DYNC1H1: variants seen among roughly 807,000 people sequenced by gnomAD.
DYNC1H1 encodes the protein dynein cytoplasmic 1 heavy chain 1, also known as cytoplasmic dynein 1 heavy chain 1.
Under a neutral mutation model 527.1 loss-of-function variants are expected in DYNC1H1, and 51 were observed. The ratio of observed to expected loss-of-function variants is 0.10; its 90% CI spans 0.08 to 0.12. The LOEUF is 0.12. DYNC1H1 is among the 10% of genes least tolerant of loss of function. DYNC1H1 has a pLI of 1.00. For synonymous variants in DYNC1H1, 2,189 were observed against 2,278.8 expected, an observed-to-expected ratio of 0.96 and a Z score of 1.12; for missense variants, 2,771 against 5,971.8, an observed-to-expected ratio of 0.46 and a Z score of 17.66.
Position 102,018,661 on chromosome 14 carries a change from T to C in DYNC1H1, c.8343+45T>C. ...TCTTCCAGAAATTGTTTTCCTCTCATAATTAAGGCACTCGATTGGTCAGGT... is the reference window on the plus strand; with the variant it reads ...TCTTCCAGAAATTGTTTTCCTCTCACAATTAAGGCACTCGATTGGTCAGGT... On this transcript the variant is annotated intron_variant, in intron 41 of 77. Coordinates refer to ENST00000360184, the MANE Select transcript of DYNC1H1 (RefSeq NM_001376.5). This position sits in a 1 kb window ranked among gnomAD's most constrained non-coding sequence, Gnocchi z 5.2. The C allele has an allele frequency of 3.1e-6, 5 of 1,606,644 alleles. No individual in the cohort carries two copies. Among genetic ancestry groups the C allele is most frequent in the Non-Finnish European group, 4.2e-6 (5 of 1,178,040 alleles).
chr14:102,045,568 G>A (rs552664960), intron 72 of DYNC1H1, among the ~76,000 whole-genome samples: 62 of 151,946 alleles, frequency 4.1e-4, no homozygotes, highest in African/African-American at 1.4e-3. Context: ...CTGAGAACGC[G>A]CCATTGCACT....
chr14:101,972,731 C>G (rs2047753730), intron 1 of DYNC1H1, among the ~76,000 whole-genome samples: 2 of 152,212 alleles, frequency 1.3e-5, no homozygotes, highest in South Asian at 2.1e-4. Context: ...AGAAATGATT[C>G]AGAGTTAACA....
chr14:102,039,608 GAAC>G lies in DYNC1H1; in HGVS notation c.11596-25_11596-23del, dbSNP rs2048620454. The G allele has an allele frequency of 1.2e-6, 2 of 1,614,160 alleles. No homozygotes were observed. Among genetic ancestry groups the G allele is most frequent in the South Asian group, 1.1e-5 (1 of 91,078 alleles). On this transcript the variant is annotated intron_variant, in intron 61 of 77. Coordinates refer to ENST00000360184, the MANE Select transcript of DYNC1H1 (RefSeq NM_001376.5). This position sits in a 1 kb window ranked among gnomAD's most constrained non-coding sequence, Gnocchi z 7.0. ...GAAGCAGGGTGCTGCTTCTCTTATG[GAAC>G]AACATCGTCTCCTGCTCTTGTCCCA... is the stretch of plus-strand genomic sequence containing the variant.
Position 102,038,299 on chromosome 14 carries a change from T to C in DYNC1H1, c.10909-161T>C. ...TGGCTGAGTTTTTAATTTTAGTTCA[T>C]TTAAATGTAAGTAGCCACACATAGC... On this transcript the variant is annotated intron_variant, in intron 57 of 77. Coordinates refer to ENST00000360184, the MANE Select transcript of DYNC1H1 (RefSeq NM_001376.5). The surrounding 1 kb of genome is among the most constrained non-coding windows in gnomAD (Gnocchi z 7.2). 3 of 1,235,976 alleles carry C rather than the reference T, an allele frequency of 2.4e-6. No homozygotes were observed. The highest frequency in any genetic ancestry group is 2.3e-6 in the Non-Finnish European group (2 of 876,066). 76.6% of individuals were successfully genotyped at this position (1,235,976 alleles called of 1,614,324 possible). A position where few individuals can be genotyped will look rare whatever the true frequency, so the allele number is the denominator to read the frequency against.
chr14:101,995,531 A>C (rs1340855203), intron 15 of DYNC1H1, among the ~76,000 whole-genome samples: 2 of 151,778 alleles, frequency 1.3e-5, no homozygotes, highest in African/African-American at 4.8e-5. Flanking sequence ...GAATGGCATG[A>C]ACCCGGGAGG....
rs2141285263 is a variant in DYNC1H1, at chr14:102,000,372, A to G, written c.4047A>G (p.Gln1349=). The G allele has an allele frequency of 1.2e-6, 2 of 1,614,072 alleles. No individual in the cohort carries two copies. The highest frequency in any genetic ancestry group is 8.5e-7 in the Non-Finnish European group (1 of 1,180,014). ...VWEQIDQMKE[Q]PWVSVQPRKL... is the part of the protein sequence containing the mutation. ...AGCAAATCGATCAGATGAAGGAGCA[A>G]CCCTGGGTTTCAGTACAGCCTCGAA... is the stretch of plus-strand genomic sequence containing the variant. Residue 1349 remains glutamine (Q), a synonymous_variant, in exon 18 of 78, where the codon CAA becomes CAG. Transcript: ENST00000360184.
In DYNC1H1 at chr14:102,036,607, A is replaced by T; in HGVS notation, c.10873A>T (p.Ser3625Cys). ...LDDAFRKNLE[S>C]ALRFGNPLLV... ...TGACGCCTTCAGAAAGAACTTAGAGAGTGCACTGAGATTCGGTAACCCCCT... is the reference window on the plus strand; with the variant it reads ...TGACGCCTTCAGAAAGAACTTAGAGTGTGCACTGAGATTCGGTAACCCCCT... The change falls in exon 57 of 78, where the codon AGT becomes TGT. Residue 3625 changes from serine (S) to cysteine (C), a missense_variant. Coordinates refer to ENST00000360184, the MANE Select transcript of DYNC1H1 (RefSeq NM_001376.5). The surrounding 1 kb of genome is among the most constrained non-coding windows in gnomAD (Gnocchi z 5.6). 6.2e-7 allele frequency: 1 copy of T among 1,614,060 alleles called. No homozygotes were observed. The highest frequency in any genetic ancestry group is 8.5e-7 in the Non-Finnish European group (1 of 1,179,984).
chr14:102,032,258 C>T lies in DYNC1H1; in HGVS notation c.9884-14C>T, dbSNP rs2152591246. On this transcript the variant is annotated splice_polypyrimidine_tract_variant and intron_variant, in intron 51 of 77. Coordinates refer to ENST00000360184, the MANE Select transcript of DYNC1H1 (RefSeq NM_001376.5). Reference sequence around the variant, plus strand: ...CCCACCCATCGACCCTCATCCACTCCTGCTGCCACTCAGCTGTGAAGTCGA... The same window carrying T: ...CCCACCCATCGACCCTCATCCACTCTTGCTGCCACTCAGCTGTGAAGTCGA... The T allele has an allele frequency of 6.2e-7, 1 of 1,613,358 alleles. No homozygotes were observed. The highest frequency in any genetic ancestry group is 1.1e-5 in the South Asian group (1 of 91,046).
At position 101,980,222 on chromosome 14, in the gene DYNC1H1, A is replaced by G. The variant is rs1049506106; in HGVS notation, c.775-142A>G. 8 of 1,211,686 alleles carry G rather than the reference A, an allele frequency of 6.6e-6. No individual in the cohort carries two copies. The Admixed American group carries it at 1.6e-4, about 24-fold the overall frequency. The allele number at this position is 1,211,686 out of a possible 1,614,324, so 75.1% of individuals were successfully genotyped here. A position where few individuals can be genotyped will look rare whatever the true frequency, so the allele number is the denominator to read the frequency against. On this transcript the variant is annotated intron_variant, in intron 4 of 77. Coordinates refer to ENST00000360184, the MANE Select transcript of DYNC1H1 (RefSeq NM_001376.5). Reference sequence around the variant, plus strand: ...TCAGCAGTCGTATACCTTTGATTTCAAATCAAGCCACTTTTGATTTACAGG... The same window carrying G: ...TCAGCAGTCGTATACCTTTGATTTCGAATCAAGCCACTTTTGATTTACAGG...
chr14:102,054,798 AC>A lies in DYNC1H1; in HGVS notation c.*4237del, dbSNP rs2048859175. On this transcript the variant is annotated 3_prime_UTR_variant, in exon 78 of 78. Transcript: ENST00000360184. ...TGCCCAGGCTGGTCTCGAACTCCTG[AC>A]CTCAGGTGATCTGCCCACCTTGGCC... 6.6e-6 allele frequency: 1 copy of A among 151,738 alleles called. No individual in the cohort carries two copies. The highest frequency in any genetic ancestry group is 6.6e-5 in the Admixed American group (1 of 15,198). The allele number at this position is 151,738 out of a possible 1,614,324, so 9.4% of individuals were successfully genotyped here.
In DYNC1H1 at chr14:102,043,927, T is replaced by A. The variant is rs1203917028; in HGVS notation, c.12566T>A (p.Ile4189Asn). ...TTCCTGCTGGCCTGGTTTCATGCGA[T>A]CATCCAAGAACGCTTACGATACGCA... Reference protein sequence around the residue: ...LYFLLAWFHAIIQERLRYAPL... With the variant: ...LYFLLAWFHANIQERLRYAPL... The change falls in exon 70 of 78, where the codon ATC becomes AAC. Residue 4189 changes from isoleucine to asparagine, a missense_variant. By Grantham distance (149) the Ile-to-Asn change is moderately radical. Coordinates refer to ENST00000360184, the MANE Select transcript of DYNC1H1 (RefSeq NM_001376.5). The A allele has an allele frequency of 6.2e-7, 1 of 1,614,130 alleles. No individual in the cohort carries two copies. Among genetic ancestry groups the A allele is most frequent in the African/African-American group, 1.3e-5 (1 of 74,946 alleles).
rs112780477 is a variant in DYNC1H1 at position 102,048,307 on chromosome 14, C to T, written c.13219-209C>T. ...CCTCCCTAGAGAGCCCCGAGAGCTG[C>T]GACTCGGGCAGGGGCCTCAGCGGGT... On this transcript the variant is annotated intron_variant, in intron 73 of 77. Transcript: ENST00000360184. 42,466 of 751,174 alleles carry T rather than the reference C, an allele frequency of 0.057. 1,570 individuals carry two copies. Among genetic ancestry groups the T allele is most frequent in the African/African-American group, 0.13 (7,621 of 57,046 alleles). The allele number at this position is 751,174 out of a possible 1,614,324, so 46.5% of individuals were successfully genotyped here.
At position 101,985,744 on chromosome 14, in the gene DYNC1H1, G is replaced by A; in HGVS notation, c.1519G>A (p.Val507Met). Reference sequence around the variant, plus strand: ...GGTCCCTGAACCCCAAGATATGAAAGTGGCTGAGGTTCTCTTTGATGCTGC... The same window carrying A: ...GGTCCCTGAACCCCAAGATATGAAAATGGCTGAGGTTCTCTTTGATGCTGC... ...GEVPEPQDMKVAEVLFDAADA... is the reference protein window; with the variant it reads ...GEVPEPQDMKMAEVLFDAADA... Residue 507 changes from valine (V) to methionine (M), a missense_variant, in exon 8 of 78, where the codon GTG (valine) becomes ATG (methionine). Val to Met is a conservative substitution (Grantham distance 21, BLOSUM62 1). Around this residue, in one of 32 missense-constraint regions of DYNC1H1, gnomAD observed 264 missense variants for 619.4 expected, o/e 0.43. Transcript: ENST00000360184. This position sits in a 1 kb window ranked among gnomAD's most constrained non-coding sequence, Gnocchi z 5.9. 6.2e-7 allele frequency: 1 copy of A among 1,614,228 alleles called. No individual in the cohort carries two copies. Among genetic ancestry groups the A allele is most frequent in the Middle Eastern group, 1.6e-4 (1 of 6,062 alleles).
At position 102,018,357 on chromosome 14, in the gene DYNC1H1, A is replaced by T; in HGVS notation, c.8178-94A>T. On this transcript the variant is annotated intron_variant, in intron 40 of 77. Transcript: ENST00000360184. This position sits in a 1 kb window ranked among gnomAD's most constrained non-coding sequence, Gnocchi z 5.2. The stretch of plus-strand genomic sequence containing the variant: ...AGCTGGGTTAGGAAGCGACCTCCAG[A>T]CAGGGCCCTGGACAGGGCGACTCCA... 3.3e-6 allele frequency: 5 copies of T among 1,538,364 alleles called. No homozygotes were observed. Among genetic ancestry groups the T allele is most frequent in the Non-Finnish European group, 4.4e-6 (5 of 1,142,338 alleles).
At chr14:102,047,643 A>ATG in intron 72 of DYNC1H1, 174 bp from the exon 73 acceptor site, 1 of 140,328 alleles carries the variant, frequency 7.1e-6, no homozygotes, top group Non-Finnish European at 1.5e-5. Context: ...GTGTGTGTGT[A>ATG]TATATATATA....
intron 1 of DYNC1H1, 92 bp from the exon 2 acceptor site, chr14:101,975,620 G>C: frequency 8.5e-7 from 1 of 1,173,942 alleles, no homozygotes; most frequent in East Asian, 2.5e-5. Flanking sequence ...GTCAGGCTGG[G>C]AGTAGGGAGA....
Position 101,986,193 on chromosome 14 carries a change from G to A in DYNC1H1, c.1968G>A (p.Arg656=), listed in dbSNP as rs760745383. 5.0e-6 allele frequency: 8 copies of A among 1,614,068 alleles called. No individual in the cohort carries two copies. The highest frequency in any genetic ancestry group is 6.8e-6 in the Non-Finnish European group (8 of 1,180,048). The change falls in exon 8 of 78, where the codon AGG becomes AGA. Residue 656 remains arginine, a synonymous_variant. Transcript: ENST00000360184. This position sits in a 1 kb window ranked among gnomAD's most constrained non-coding sequence, Gnocchi z 8.7. ...GSIIWAKQID[R]QLTAYMKRVE... ...TCATCTGGGCTAAACAGATCGACAG[G>A]CAGCTGACGGCCTACATGAAGCGGG...
chr14:102,014,911 G>A (rs760894480), intron 34 of DYNC1H1, among the ~76,000 whole-genome samples, 194 bp from the exon 35 acceptor site: 4 of 152,068 alleles, frequency 2.6e-5, no homozygotes, highest in Admixed American at 6.6e-5. Flanking sequence ...CACCTCCCAG[G>A]CTCAAGTGAT....
intron 72 of DYNC1H1, 106 bp from the exon 73 acceptor site, chr14:102,047,711 T>C: frequency 7.4e-7 from 1 of 1,357,608 alleles, no homozygotes; most frequent in Non-Finnish European, 1.0e-6. Flanking sequence ...GTTCCCAGTG[T>C]GGACTCACTC....
Sources: gnomAD v4.1 joint callset for allele counts (sites outside exome capture counted in the v4.1 genomes callset) on GRCh38, gnomAD v4.1.1 for gene constraint, gnomAD v4.1.1 regional missense constraint, Gnocchi (gnomAD v3.1) non-coding constraint, MANE v1.5 for transcripts, NCBI Gene and HGNC (gene_info 2026-07-23, HGNC 2026-07-21) for gene names.